TRPM6: variants seen among roughly 807,000 people sequenced by gnomAD.
The protein encoded by TRPM6 is transient receptor potential cation channel subfamily M member 6.
Under a neutral mutation model 247.6 loss-of-function variants are expected in TRPM6, and 111 were observed. The observed-to-expected ratio is 0.45, with a 90% CI of 0.38 to 0.52. The LOEUF is 0.52. TRPM6 is among the 20% of genes least tolerant of loss of function. TRPM6 has a pLI of 0.00. For synonymous variants in TRPM6, 892 were observed against 853.8 expected (o/e 1.04, Z -0.78); for missense variants, 2,126 against 2,421.5 (o/e 0.88, Z 2.56).
chr9:74,829,261 C>T lies in TRPM6; in HGVS notation c.670-1312G>A, dbSNP rs578032290. Among the ~76,000 whole-genome samples, 4 of 152,220 alleles carry T rather than the reference C, an allele frequency of 2.6e-5. No homozygotes were observed. In the East Asian group the frequency reaches 7.7e-4, roughly 29 times the overall value. The stretch of plus-strand genomic sequence containing the variant: ...GAGCCAAGATCTCGCCACTGCACTC[C>T]AGCCTGGGCGACACAGTGAGACCCC... On this transcript the variant is annotated intron_variant, in intron 6 of 38. Coordinates refer to ENST00000360774, the MANE Select transcript of TRPM6 (RefSeq NM_017662.5).
chr9:74,812,577 A>C, intron 11 of TRPM6, 144 bp from the exon 12 acceptor site: 1 of 838,426 alleles, frequency 1.2e-6, no homozygotes, highest in Non-Finnish European at 1.9e-6. Context: ...AAAAAAAAAA[A>C]AAAGGAAAAA....
chr9:74,852,968 G>C (rs1360719874), intron 3 of TRPM6, among the ~76,000 whole-genome samples: 1 of 151,818 alleles, frequency 6.6e-6, no homozygotes, highest in African/African-American at 2.4e-5. Flanking sequence ...TGGGATGTGA[G>C]GAGCCTCTCT....
intron 37 of TRPM6, 47 bp downstream of exon 37, chr9:74,732,638 A>T (rs766752002): frequency 7.3e-7 from 1 of 1,374,950 alleles, no homozygotes. Context: ...ACCATTTACT[A>T]TATGTTAAAT....
Position 74,742,449 on chromosome 9 carries a change from A to G in TRPM6, c.5200+112T>C, listed in dbSNP as rs145157973. On this transcript the variant is annotated intron_variant, in intron 33 of 38. Transcript: ENST00000360774. Reference sequence around the variant, plus strand: ...AAATGAATCTCACTAAACTACAACTATCAACAAAACAAAATTTTCAACTAA... The same window carrying G: ...AAATGAATCTCACTAAACTACAACTGTCAACAAAACAAAATTTTCAACTAA... The G allele has an allele frequency of 6.8e-6, 7 of 1,030,488 alleles. No homozygotes were observed. The African/African-American group carries it at 7.9e-5, about 12-fold the overall frequency. 63.8% of individuals were successfully genotyped at this position (1,030,488 alleles called of 1,614,324 possible).
At chr9:74,738,737 C>T in intron 35 of TRPM6, 125 bp from the exon 36 acceptor site, 1 of 820,388 alleles carries the variant, frequency 1.2e-6, no homozygotes, top group Non-Finnish European at 2.1e-6. Flanking sequence ...TGCACATGCC[C>T]TTGCCCTTTC....
At chr9:74,772,449 T>G (rs1827081024) in intron 24 of TRPM6, among the ~76,000 whole-genome samples, 1 of 152,218 alleles carries the variant, frequency 6.6e-6, no homozygotes. Context: ...GAATCTGTCT[T>G]CTTTTCTCTC....
intron 12 of TRPM6, 41 bp downstream of exon 12, chr9:74,812,258 G>C: frequency 2.5e-6 from 4 of 1,611,546 alleles, no homozygotes; most frequent in Non-Finnish European, 3.4e-6. Flanking sequence ...TGCTCTTCTT[G>C]AATCTGGAGG....
At chr9:74,865,964 T>C (rs909781229) in intron 1 of TRPM6, among the ~76,000 whole-genome samples, 1 of 152,072 alleles carries the variant, frequency 6.6e-6, no homozygotes, top group Non-Finnish European at 1.5e-5. Flanking sequence ...AATTGACTTT[T>C]AGGAAACTTA....
chr9:74,825,745 T>C (rs928988249), intron 7 of TRPM6, among the ~76,000 whole-genome samples: 2 of 152,082 alleles, frequency 1.3e-5, no homozygotes, highest in African/African-American at 2.4e-5. Context: ...GGAGCATACA[T>C]TATAGCGCTG....
At chr9:74,745,478 T>C (rs1826013003) in intron 31 of TRPM6, among the ~76,000 whole-genome samples, 1 of 152,074 alleles carries the variant, frequency 6.6e-6, no homozygotes, top group Admixed American at 6.6e-5. Context: ...TGTGTGTGTG[T>C]GTGTGTATGC....
At chr9:74,857,228 A>G (rs970305396) in intron 2 of TRPM6, among the ~76,000 whole-genome samples, 2 of 152,216 alleles carry the variant, frequency 1.3e-5, no homozygotes, top group Non-Finnish European at 2.9e-5. Flanking sequence ...CACAAGACTT[A>G]CAAATCATAG....
chr9:74,728,225 T>C lies in TRPM6; in HGVS notation c.5935+14A>G. ...GAGATTTACTTAGAGAAAAAAGAAC[T>C]GTTAGTGGCATACCCGGGAGTTTGA... On this transcript the variant is annotated intron_variant, in intron 38 of 38. Transcript: ENST00000360774. The C allele has an allele frequency of 6.3e-7, 1 of 1,588,440 alleles. No homozygotes were observed.
intron 36 of TRPM6, 131 bp from the exon 37 acceptor site, chr9:74,732,867 G>A (rs1825568871): frequency 3.9e-6 from 3 of 760,906 alleles, no homozygotes; most frequent in South Asian, 1.7e-5. Context: ...TAAACATCAT[G>A]AGCCCATACT....
At chr9:74,738,643 C>A in intron 35 of TRPM6, 31 bp from the exon 36 acceptor site, 1 of 1,592,766 alleles carries the variant, frequency 6.3e-7, no homozygotes. Context: ...ATTGATCCCC[C>A]ACAATACAGC....
At position 74,858,662 on chromosome 9, in the gene TRPM6, A is replaced by T. The variant is rs753197130; in HGVS notation, c.113+7T>A. ...TTTTAAAAGAAGAAGGTAATTGAAAATTTTACCTGTGAGGATTTTTTGAGC... is the reference window on the plus strand; with the variant it reads ...TTTTAAAAGAAGAAGGTAATTGAAATTTTTACCTGTGAGGATTTTTTGAGC... On this transcript the variant is annotated splice_region_variant and intron_variant, in intron 2 of 38. Transcript: ENST00000360774. The T allele has an allele frequency of 3.1e-6, 5 of 1,606,452 alleles. No homozygotes were observed. The East Asian group carries it at 1.1e-4, about 36-fold the overall frequency.
chr9:74,730,683 G>A (rs754948005), intron 37 of TRPM6, among the ~76,000 whole-genome samples: 4 of 152,126 alleles, frequency 2.6e-5, no homozygotes, highest in Non-Finnish European at 5.9e-5. Context: ...CCATCTTCCC[G>A]GTGATGCTGA....
chr9:74,841,928 T>C (rs1264537003), intron 4 of TRPM6, among the ~76,000 whole-genome samples: 1 of 152,100 alleles, frequency 6.6e-6, no homozygotes, highest in Non-Finnish European at 1.5e-5. Context: ...AGAAACCTGT[T>C]AGTAGAAACC....
At chr9:74,818,545 C>G (rs1829031433) in intron 9 of TRPM6, among the ~76,000 whole-genome samples, 1 of 152,000 alleles carries the variant, frequency 6.6e-6, no homozygotes, top group Non-Finnish European at 1.5e-5. Flanking sequence ...TCAGGTGATC[C>G]ACCCACTTCG....
Position 74,723,831 on chromosome 9 carries a change from ATATATATTCCATATGTATTT to A in TRPM6, c.*762_*781del, listed in dbSNP as rs1028066283. On this transcript the variant is annotated 3_prime_UTR_variant, in exon 39 of 39. Transcript: ENST00000360774. ...AAATATATATATATATATATAAAAT[ATATATATTCCATATGTATTT>A]TATATATATAATATATATATTCCAT... 5 of 146,414 alleles carry A rather than the reference ATATATATTCCATATGTATTT, an allele frequency of 3.4e-5. No individual in the cohort carries two copies. Among genetic ancestry groups the A allele is most frequent in the African/African-American group, 1.2e-4 (5 of 40,258 alleles). 9.1% of individuals were successfully genotyped at this position (146,414 alleles called of 1,614,324 possible). A position where few individuals can be genotyped will look rare whatever the true frequency, so the allele number is the denominator to read the frequency against.
Sources: allele counts gnomAD v4.1 joint callset (sites outside exome capture counted in the v4.1 genomes callset), GRCh38; gene constraint gnomAD v4.1.1; transcripts MANE v1.5; gene names NCBI Gene and HGNC (gene_info 2026-07-23, HGNC 2026-07-21).